The following HLF variants were observed in gnomAD, a reference collection of about 807,000 sequenced individuals.
The protein encoded by HLF is HLF transcription factor, PAR bZIP family member.
HLF carries 3 observed loss-of-function variants against 22.6 expected under a neutral mutation model. The ratio of observed to expected loss-of-function variants is 0.13; its 90% CI spans 0.06 to 0.34. HLF has a LOEUF of 0.34. HLF is among the 10% of genes least tolerant of loss of function. The pLI is 1.00. For missense variants in HLF, 299 were observed against 389.2 expected (o/e 0.77, Z 1.95); for synonymous variants, 151 against 151.8 (o/e 0.99, Z 0.04).
At chr17:55,288,709 T>C (rs978631003) in intron 2 of HLF, among the ~76,000 whole-genome samples, 2 of 151,104 alleles carry the variant, frequency 1.3e-5, no homozygotes, top group Admixed American at 6.6e-5. Context: ...TGAGCTGAGA[T>C]TGCGCCACTG....
chr17:55,265,432 G>GGTGT lies in HLF; in HGVS notation c.-53_-52insGTGT, dbSNP rs2145285165. On this transcript the variant is annotated 5_prime_UTR_variant, in exon 1 of 4. Transcript: ENST00000226067. ...AAGCTCAGCAACATTTTAGGGGGCG[G>GGTGT]TTGTTTCTTTCTTATTTCTTTTTTT... 9.7e-5 allele frequency: 60 copies of GGTGT among 615,954 alleles called. No homozygotes were observed. The highest frequency in any genetic ancestry group is 1.5e-4 in the Non-Finnish European group (56 of 380,348). The allele number at this position is 615,954 out of a possible 1,614,324, so 38.2% of individuals were successfully genotyped here.
At chr17:55,313,351 G>GGTGT (rs1248035425) in intron 2 of HLF, among the ~76,000 whole-genome samples, 3,021 of 132,776 alleles carry the variant, frequency 0.023, 69 homozygotes, top group African/African-American at 0.06. Flanking sequence ...TAGAGGAGGA[G>GGTGT]GTGTGTGCGT....
chr17:55,265,756 ACCCTTCCTC>A (rs2080781730), intron 1 of HLF, 157 bp downstream of exon 1: 7 of 1,209,916 alleles, frequency 5.8e-6, no homozygotes, highest in East Asian at 3.1e-5. Flanking sequence ...CTCACCCAGC[ACCCTTCCTC>A]CCCTTCCTCC....
chr17:55,296,135 A>G (rs1436140570), intron 2 of HLF, among the ~76,000 whole-genome samples: 1 of 152,132 alleles, frequency 6.6e-6, no homozygotes, highest in Non-Finnish European at 1.5e-5. Flanking sequence ...CTGGGGAGTC[A>G]TGGGTATGAC....
intron 2 of HLF, among the ~76,000 whole-genome samples, chr17:55,300,533 A>G (rs2081147990): frequency 6.6e-6 from 1 of 152,194 alleles, no homozygotes. Flanking sequence ...CCACAATGAG[A>G]CATTTTATTT....
At chr17:55,285,244 T>C (rs1023729259) in intron 2 of HLF, among the ~76,000 whole-genome samples, 3 of 152,252 alleles carry the variant, frequency 2.0e-5, no homozygotes, top group African/African-American at 7.2e-5. Context: ...ATATTTGGAA[T>C]GGTCTCAGTT....
At chr17:55,306,537 A>T (rs934207566) in intron 2 of HLF, among the ~76,000 whole-genome samples, 2 of 143,600 alleles carry the variant, frequency 1.4e-5, no homozygotes, top group Admixed American at 7.0e-5. Flanking sequence ...GCAAAAAGGA[A>T]GTGTGTGTGT....
At chr17:55,304,241 G>C (rs1016554213) in intron 2 of HLF, among the ~76,000 whole-genome samples, 3 of 152,172 alleles carry the variant, frequency 2.0e-5, no homozygotes, top group African/African-American at 4.8e-5. Flanking sequence ...AGAAGGCACA[G>C]AGCCATTCTT....
At chr17:55,265,863 C>T (rs1171089606) in intron 1 of HLF, 6 of 1,236,486 alleles carry the variant, frequency 4.9e-6, no homozygotes, top group Non-Finnish European at 5.1e-6. Context: ...TCCTGCGGCG[C>T]GGGTGGGAGG....
intron 2 of HLF, among the ~76,000 whole-genome samples, chr17:55,274,275 G>T (rs182604457): frequency 2.4e-4 from 36 of 152,246 alleles, no homozygotes; most frequent in Non-Finnish European, 4.4e-4. Flanking sequence ...CAATGAAAAT[G>T]GAGGTAAGAG....
At chr17:55,267,065 CAT>C (rs894440226) in intron 1 of HLF, among the ~76,000 whole-genome samples, 2 of 152,184 alleles carry the variant, frequency 1.3e-5, no homozygotes, top group African/African-American at 4.8e-5. Flanking sequence ...GAAGCAAACA[CAT>C]GTGAGCTCAG....
intron 1 of HLF, chr17:55,265,893 A>G: frequency 8.7e-7 from 1 of 1,146,970 alleles, no homozygotes; most frequent in East Asian, 4.7e-5. Context: ...ACAGGTCAGG[A>G]TCGTTCCCTA....
At chr17:55,273,201 T>C (rs2080873939) in intron 2 of HLF, 1 of 152,240 alleles carries the variant, frequency 6.6e-6, no homozygotes, top group African/African-American at 2.4e-5. Context: ...TAACTTTGTG[T>C]CAATTTCTTA....
At chr17:55,282,280 T>A (rs576864408) in intron 2 of HLF, among the ~76,000 whole-genome samples, 1 of 152,336 alleles carries the variant, frequency 6.6e-6, no homozygotes, top group South Asian at 2.1e-4. Context: ...GTTGCTGGAC[T>A]GGGTCTTTGT....
At chr17:55,302,950 C>T (rs1373034446) in intron 2 of HLF, among the ~76,000 whole-genome samples, 3 of 152,166 alleles carry the variant, frequency 2.0e-5, no homozygotes, top group Non-Finnish European at 4.4e-5. Context: ...AAAATGGGCC[C>T]ATTTGGCCCT....
chr17:55,285,445 T>C (rs748337707), intron 2 of HLF, among the ~76,000 whole-genome samples: 1 of 152,232 alleles, frequency 6.6e-6, no homozygotes, highest in Non-Finnish European at 1.5e-5. Flanking sequence ...TCTCTGGCTG[T>C]GTTCTCACTT....
At chr17:55,302,395 T>C (rs944148482) in intron 2 of HLF, among the ~76,000 whole-genome samples, 3 of 152,224 alleles carry the variant, frequency 2.0e-5, no homozygotes, top group Admixed American at 2.0e-4. Context: ...TGGATCTCTT[T>C]GAGAAGCTGC....
At chr17:55,315,126 T>G in intron 2 of HLF, 101 bp from the exon 3 acceptor site, 1 of 808,734 alleles carries the variant, frequency 1.2e-6, no homozygotes, top group East Asian at 2.5e-5. Flanking sequence ...CATATATAAG[T>G]GAGCTGAAGA....
intron 2 of HLF, among the ~76,000 whole-genome samples, chr17:55,307,250 T>C (rs1333599746): frequency 6.7e-6 from 1 of 148,480 alleles, no homozygotes; most frequent in Non-Finnish European, 1.5e-5. Flanking sequence ...ACCTCACAGG[T>C]TCAGGTGATT....
Sources: allele counts gnomAD v4.1 joint callset (sites outside exome capture counted in the v4.1 genomes callset), GRCh38; gene constraint gnomAD v4.1.1; transcripts MANE v1.5; gene names NCBI Gene and HGNC (gene_info 2026-07-23, HGNC 2026-07-21).